Variants in SPAST observed in about 807,000 individuals in gnomAD.
SPAST encodes the protein spastic paraplegia 4 (autosomal dominant; spastin).
SPAST carries 30 observed loss-of-function variants against 76.6 expected under a neutral mutation model. The ratio of observed to expected loss-of-function variants is 0.39; its 90% CI spans 0.29 to 0.53. The LOEUF is 0.53. SPAST is among the 20% of genes least tolerant of loss of function. The pLI, the probability that SPAST is intolerant of heterozygous loss-of-function variation, is 0.68. For missense variants in SPAST, 717 were observed against 770.5 expected (o/e 0.93, Z 0.82); for synonymous variants, 305 against 281.0 (o/e 1.09, Z -0.86).
At position 32,098,778 on chromosome 2, in the gene SPAST, A is replaced by G; in HGVS notation, c.587-18A>G. On this transcript the variant is annotated intron_variant, in intron 3 of 16. Transcript: ENST00000315285. ...TTTTTGTTTATTTTTTCTGTTTTTTACCTTCTCTGTTGCATAGAGAAGATG... is the reference window on the plus strand; with the variant it reads ...TTTTTGTTTATTTTTTCTGTTTTTTGCCTTCTCTGTTGCATAGAGAAGATG... 6.5e-7 allele frequency: 1 copy of G among 1,538,436 alleles called. No homozygotes were observed. Among genetic ancestry groups the G allele is most frequent in the Non-Finnish European group, 9.0e-7 (1 of 1,111,888 alleles).
chr2:32,119,765 C>T (rs58980266), intron 7 of SPAST, among the ~76,000 whole-genome samples: 14,984 of 152,188 alleles, frequency 0.098, 801 homozygotes, highest in Middle Eastern at 0.2. Context: ...AGTAAGACTA[C>T]ATTTTAAAGT....
chr2:32,079,524 C>T (rs1019087205), intron 1 of SPAST, among the ~76,000 whole-genome samples: 27 of 151,154 alleles, frequency 1.8e-4, no homozygotes, highest in African/African-American at 5.8e-4. Flanking sequence ...AGTATTTTTT[C>T]GTTTTTTTCC....
chr2:32,102,952 C>T (rs1314068094), intron 4 of SPAST, among the ~76,000 whole-genome samples: 4 of 152,164 alleles, frequency 2.6e-5, no homozygotes, highest in African/African-American at 9.7e-5. Context: ...CTCTGCCAGG[C>T]TTTGGTATCA....
chr2:32,110,581 A>ATTATATAGT, intron 4 of SPAST, among the ~76,000 whole-genome samples: 1 of 126,140 alleles, frequency 7.9e-6, no homozygotes, highest in Non-Finnish European at 1.6e-5. Context: ...GTATATATAT[A>ATTATATAGT]GTGTATATAT....
chr2:32,118,941 G>T (rs1483270163), intron 7 of SPAST, among the ~76,000 whole-genome samples: 1 of 152,076 alleles, frequency 6.6e-6, no homozygotes, highest in Non-Finnish European at 1.5e-5. Flanking sequence ...TTGAATTTAG[G>T]CATATTTTCA....
chr2:32,066,985 A>AAAG (rs1477012230), intron 1 of SPAST, among the ~76,000 whole-genome samples: 5 of 58,224 alleles, frequency 8.6e-5, no homozygotes, highest in African/African-American at 2.8e-4. Context: ...AAAAAAAAAA[A>AAAG]AAAAAAACCA....
chr2:32,131,755 C>T (rs1367201169), intron 9 of SPAST, among the ~76,000 whole-genome samples: 1 of 149,660 alleles, frequency 6.7e-6, no homozygotes, highest in East Asian at 2.0e-4. Context: ...CTCTGCCTCC[C>T]GGGTTCAAGT....
chr2:32,100,253 A>G (rs1056982897), intron 4 of SPAST, among the ~76,000 whole-genome samples: 11 of 149,738 alleles, frequency 7.3e-5, no homozygotes, highest in African/African-American at 1.7e-4. Flanking sequence ...CATTTCCCTC[A>G]TAATTAACGA....
chr2:32,115,391 C>A (rs1678789481), intron 5 of SPAST, among the ~76,000 whole-genome samples: 2 of 151,984 alleles, frequency 1.3e-5, no homozygotes, highest in African/African-American at 4.8e-5. Context: ...AAAATTATTT[C>A]AATCTTTGTA....
chr2:32,086,228 C>G (rs1306523333), intron 1 of SPAST, among the ~76,000 whole-genome samples: 1 of 151,946 alleles, frequency 6.6e-6, no homozygotes, highest in East Asian at 1.9e-4. Flanking sequence ...GAGACCAGGG[C>G]AGGAGGATTA....
At chr2:32,150,100 GCT>G (rs1680028215) in intron 16 of SPAST, among the ~76,000 whole-genome samples, 1 of 142,228 alleles carries the variant, frequency 7.0e-6, no homozygotes, top group African/African-American at 2.6e-5. Flanking sequence ...ATGGAGTCTT[GCT>G]CTGTTTCTAG....
chr2:32,128,305 C>T (rs1026534961), intron 8 of SPAST, 103 bp from the exon 9 acceptor site: 9 of 906,768 alleles, frequency 9.9e-6, no homozygotes, highest in Middle Eastern at 3.2e-4. Context: ...TCATAGCTTA[C>T]ATTTTTAGAG....
chr2:32,126,151 G>A (rs1558330398), intron 7 of SPAST, among the ~76,000 whole-genome samples: 1 of 152,056 alleles, frequency 6.6e-6, no homozygotes, highest in Non-Finnish European at 1.5e-5. Context: ...TTTCTGTGGT[G>A]CCTGATAACA....
At chr2:32,122,469 G>A (rs1679051859) in intron 7 of SPAST, among the ~76,000 whole-genome samples, 1 of 152,056 alleles carries the variant, frequency 6.6e-6, no homozygotes, top group Non-Finnish European at 1.5e-5. Flanking sequence ...TTATAGGCAT[G>A]CACCACCACG....
chr2:32,070,625 G>A (rs7556942), intron 1 of SPAST, among the ~76,000 whole-genome samples: 42,022 of 152,024 alleles, frequency 0.28, 6,225 homozygotes, highest in East Asian at 0.55. Context: ...GTGTACATAC[G>A]TATATATGTA....
intron 4 of SPAST, among the ~76,000 whole-genome samples, chr2:32,100,813 G>A (rs918914768): frequency 6.6e-6 from 1 of 152,136 alleles, no homozygotes; most frequent in Non-Finnish European, 1.5e-5. Context: ...TGGCTGCTTA[G>A]TATTCCATGG....
At chr2:32,140,300 C>G (rs942460251) in intron 12 of SPAST, among the ~76,000 whole-genome samples, 1 of 152,098 alleles carries the variant, frequency 6.6e-6, no homozygotes, top group Non-Finnish European at 1.5e-5. Flanking sequence ...TACTTTTCAT[C>G]TTCTGTTTTA....
intron 7 of SPAST, among the ~76,000 whole-genome samples, chr2:32,125,427 T>C (rs1323593918): frequency 6.6e-6 from 1 of 152,000 alleles, no homozygotes; most frequent in African/African-American, 2.4e-5. Context: ...TTCTCCATGT[T>C]GGTCAGGCTG....
In SPAST at chr2:32,156,027, GC is replaced by G. The variant is rs1470154520; in HGVS notation, c.*1532del. 6.6e-6 allele frequency: 1 copy of G among 151,110 alleles called. No individual in the cohort carries two copies. The highest frequency in any genetic ancestry group is 1.5e-5 in the Non-Finnish European group (1 of 67,902). The allele number at this position is 151,110 out of a possible 1,614,324, so 9.4% of individuals were successfully genotyped here. Reference sequence around the variant, plus strand: ...AAAGATTTGTTTGAATATAGAAGATGCATGATTTCTGGGTTTTTTTTTTTTT... The same window carrying G: ...AAAGATTTGTTTGAATATAGAAGATGATGATTTCTGGGTTTTTTTTTTTTT... On this transcript the variant is annotated 3_prime_UTR_variant, in exon 17 of 17. Coordinates refer to ENST00000315285, the MANE Select transcript of SPAST (RefSeq NM_014946.4).
Sources: gnomAD v4.1 joint callset for allele counts (sites outside exome capture counted in the v4.1 genomes callset) on GRCh38, gnomAD v4.1.1 for gene constraint, MANE v1.5 for transcripts, NCBI Gene and HGNC (gene_info 2026-07-23, HGNC 2026-07-21) for gene names.